Variants in HERC6 observed in about 807,000 individuals in gnomAD.
HERC6 encodes the protein HECT and RLD domain containing E3 ubiquitin protein ligase family member 6, also known as probable E3 ubiquitin-protein ligase HERC6.
HERC6 carries 101 observed loss-of-function variants against 114.5 expected under a neutral mutation model. That is an observed-to-expected ratio of 0.88 (90% CI 0.75 to 1.04). The LOEUF is 1.04. Ranked by LOEUF, HERC6 falls within the 50% of genes least tolerant of loss-of-function variation. HERC6 has a pLI of 0.00. For missense variants in HERC6, 1,133 were observed against 1,230.9 expected (o/e 0.92, Z 1.19); for synonymous variants, 408 against 436.2 (o/e 0.94, Z 0.81).
chr4:88,439,380 A>G (rs928547610), intron 20 of HERC6, among the ~76,000 whole-genome samples: 2 of 151,724 alleles, frequency 1.3e-5, no homozygotes, highest in East Asian at 3.9e-4. Context: ...AAGAGAAAGA[A>G]AGAAGAAAGA....
At chr4:88,391,023 T>G (rs1029454436) in intron 4 of HERC6, 144 bp downstream of exon 4, 24 of 658,778 alleles carry the variant, frequency 3.6e-5, no homozygotes, top group African/African-American at 3.3e-4. Context: ...TATATTAGTT[T>G]CTTGTTGTAG....
chr4:88,390,980 AAACTTGTGACAC>A (rs1734891945), intron 4 of HERC6, 101 bp downstream of exon 4: 1 of 949,350 alleles, frequency 1.1e-6, no homozygotes, highest in Non-Finnish European at 1.6e-6. Context: ...AGTGGTTCCC[AAACTTGTGACAC>A]ATTCGAATAG....
rs933979151 is a variant in HERC6 at position 88,380,590 on chromosome 4, G to A, written c.199+1470G>A. The stretch of plus-strand genomic sequence containing the variant: ...AAATAAACTGGGCGTGGTGGCGGGC[G>A]CCTGTAGTCCCAGCTACTTGGGAGG... On this transcript the variant is annotated intron_variant, in intron 1 of 22. Coordinates refer to ENST00000264346, the MANE Select transcript of HERC6 (RefSeq NM_017912.4). Among the ~76,000 whole-genome samples the A allele has an allele frequency of 2.4e-4, 35 of 147,708 alleles. No individual in the cohort carries two copies. In the South Asian group the frequency reaches 6.5e-3, roughly 27 times the overall value.
At chr4:88,429,071 A>C (rs993363271) in intron 16 of HERC6, among the ~76,000 whole-genome samples, 1 of 152,178 alleles carries the variant, frequency 6.6e-6, no homozygotes, top group Non-Finnish European at 1.5e-5. Flanking sequence ...GGCTGAACTC[A>C]TCTGGGTGGC....
At chr4:88,413,376 C>T in intron 12 of HERC6, 110 bp downstream of exon 12, 2 of 689,322 alleles carry the variant, frequency 2.9e-6, no homozygotes, top group Non-Finnish European at 4.8e-6. Flanking sequence ...TATTTGAGAA[C>T]ATGGCATGTA....
At chr4:88,438,126 A>C (rs1738953104) in intron 20 of HERC6, among the ~76,000 whole-genome samples, 1 of 133,724 alleles carries the variant, frequency 7.5e-6, no homozygotes, top group Non-Finnish European at 1.6e-5. Flanking sequence ...ACTGTGTCTC[A>C]AAAAAAAAAA....
At position 88,442,546 on chromosome 4, in the gene HERC6, A is replaced by G; in HGVS notation, c.*86A>G. On this transcript the variant is annotated 3_prime_UTR_variant, in exon 23 of 23. Transcript: ENST00000264346. Reference sequence around the variant, plus strand: ...ACCTAAATAATACAAGAGATTAATGAATAGTGGTTAGAAGTAGTTGAGGGA... The same window carrying G: ...ACCTAAATAATACAAGAGATTAATGGATAGTGGTTAGAAGTAGTTGAGGGA... 1.0e-6 allele frequency: 1 copy of G among 1,003,214 alleles called. No homozygotes were observed. The highest frequency in any genetic ancestry group is 1.5e-6 in the Non-Finnish European group (1 of 658,452). 62.1% of individuals were successfully genotyped at this position (1,003,214 alleles called of 1,614,324 possible).
Position 88,393,623 on chromosome 4 carries a change from A to G in HERC6, c.759+41A>G, listed in dbSNP as rs748595197. ...TTGCTATTTTTTTGAGTTCCAGAGA[A>G]ATGGTAACAAGATACATATGTACTA... On this transcript the variant is annotated intron_variant, in intron 5 of 22. Transcript: ENST00000264346. The G allele has an allele frequency of 3.7e-5, 47 of 1,254,958 alleles. 1 individual carries two copies. The South Asian group carries it at 4.7e-4, about 12-fold the overall frequency. 77.7% of individuals were successfully genotyped at this position (1,254,958 alleles called of 1,614,324 possible).
In HERC6 at chr4:88,428,803, C is replaced by T. The variant is rs2148979364; in HGVS notation, c.2106+53C>T. On this transcript the variant is annotated intron_variant, in intron 16 of 22. Transcript: ENST00000264346. ...TTTACTTCTGTGGGAGGGATGCATT[C>T]ATATGATGTAACAAATGCTCTCTGA... 2.9e-6 allele frequency: 4 copies of T among 1,373,136 alleles called. No individual in the cohort carries two copies. In the East Asian group the frequency reaches 1.0e-4, roughly 35 times the overall value. 85.1% of individuals were successfully genotyped at this position (1,373,136 alleles called of 1,614,324 possible).
intron 11 of HERC6, among the ~76,000 whole-genome samples, chr4:88,409,516 T>C (rs1297154413): frequency 6.6e-6 from 1 of 152,220 alleles, no homozygotes; most frequent in African/African-American, 2.4e-5. Flanking sequence ...AAATGTACAA[T>C]AGATACAATA....
chr4:88,398,021 G>A (rs1310223294), intron 7 of HERC6, 121 bp from the exon 8 acceptor site: 2 of 587,622 alleles, frequency 3.4e-6, no homozygotes, highest in Non-Finnish European at 5.9e-6. Flanking sequence ...TGCATTTGTA[G>A]TCAAAATCCA....
At chr4:88,406,461 C>T (rs1578387838) in intron 10 of HERC6, among the ~76,000 whole-genome samples, 1 of 152,170 alleles carries the variant, frequency 6.6e-6, no homozygotes, top group Non-Finnish European at 1.5e-5. Context: ...TCTCAGTCAG[C>T]TTGTGGGATT....
intron 12 of HERC6, among the ~76,000 whole-genome samples, chr4:88,414,664 A>C (rs1004808496): frequency 6.6e-6 from 1 of 152,154 alleles, no homozygotes; most frequent in African/African-American, 2.4e-5. Flanking sequence ...CATATAGGGT[A>C]ACTTCCTGGC....
chr4:88,385,417 G>T, intron 2 of HERC6, 82 bp from the exon 3 acceptor site: 1 of 684,826 alleles, frequency 1.5e-6, no homozygotes, highest in Non-Finnish European at 2.5e-6. Flanking sequence ...TGTATTATTT[G>T]AGATACTTTT....
At position 88,442,603 on chromosome 4, in the gene HERC6, G is replaced by A. The variant is rs1320095287; in HGVS notation, c.*143G>A. The stretch of plus-strand genomic sequence containing the variant: ...GGGGGAATGGGGAGATGATGATGAT[G>A]GTCAAAGGGTGCAAAATCTCACACA... On this transcript the variant is annotated 3_prime_UTR_variant, in exon 23 of 23. Transcript: ENST00000264346. 2.9e-6 allele frequency: 2 copies of A among 695,966 alleles called. No individual in the cohort carries two copies. Among genetic ancestry groups the A allele is most frequent in the Non-Finnish European group, 5.0e-6 (2 of 403,152 alleles). 43.1% of individuals were successfully genotyped at this position (695,966 alleles called of 1,614,324 possible).
At chr4:88,423,730 G>C (rs1019324842) in intron 13 of HERC6, 130 bp from the exon 14 acceptor site, 1 of 428,222 alleles carries the variant, frequency 2.3e-6, no homozygotes, top group Admixed American at 4.4e-5. Flanking sequence ...TTTCATCACT[G>C]ACAAATGTTT....
chr4:88,410,163 C>T (rs1736012895), intron 11 of HERC6, among the ~76,000 whole-genome samples: 1 of 152,142 alleles, frequency 6.6e-6, no homozygotes, highest in Non-Finnish European at 1.5e-5. Flanking sequence ...TGACATGTGC[C>T]CAAGGTAGTG....
In HERC6 at chr4:88,404,892, G is replaced by A. The variant is rs371365965; in HGVS notation, c.1109G>A (p.Arg370His). The A allele has an allele frequency of 2.3e-5, 37 of 1,613,408 alleles. No homozygotes were observed. The highest frequency in any genetic ancestry group is 5.3e-5 in the African/African-American group (4 of 74,894). ...VTTHQDTSST[R>H]APGKTLPEIS... The stretch of plus-strand genomic sequence containing the variant: ...TCCCTGAAGGATACTAGTTCCACAC[G>A]TGCTCCCGGGAAAACCCTGCCAGAA... The change falls in exon 9 of 23, where the codon CGT becomes CAT. Residue 370 changes from arginine (R) to histidine (H), a missense_variant. Physicochemically the swap from Arg to His is conservative, Grantham distance 29. This residue lies in a region of HERC6 where 735 missense variants were observed against 754.0 expected (regional missense o/e 0.97). Transcript: ENST00000264346.
intron 5 of HERC6, 34 bp from the exon 6 acceptor site, chr4:88,395,981 C>G: frequency 1.9e-6 from 3 of 1,547,912 alleles, no homozygotes; most frequent in Non-Finnish European, 2.6e-6. Context: ...CTTGTTAAAC[C>G]TGAAATTAAT....
Sources: gnomAD v4.1 joint callset for allele counts (sites outside exome capture counted in the v4.1 genomes callset) on GRCh38, gnomAD v4.1.1 for gene constraint, gnomAD v4.1.1 regional missense constraint, MANE v1.5 for transcripts, NCBI Gene and HGNC (gene_info 2026-07-23, HGNC 2026-07-21) for gene names.